SDK1: variants seen among roughly 807,000 people sequenced by gnomAD.
SDK1 encodes protein sidekick-1.
In SDK1, 157 loss-of-function variants were observed where a neutral mutation model predicts 245.5. That is an observed-to-expected ratio of 0.64 (90% CI 0.56 to 0.73). The LOEUF is 0.73. SDK1 is among the 30% of genes least tolerant of loss of function. SDK1 has a pLI of 0.00. For synonymous variants in SDK1, 1,647 were observed against 1,278.5 expected, an observed-to-expected ratio of 1.29 and a Z score of -6.15; for missense variants, 3,583 against 3,002.3, an observed-to-expected ratio of 1.19 and a Z score of -4.52.
rs143153588 is a variant in SDK1 at position 3,380,486 on chromosome 7, G to A, written c.298+78602G>A. On this transcript the variant is annotated intron_variant, in intron 1 of 44. Coordinates refer to ENST00000404826, the MANE Select transcript of SDK1 (RefSeq NM_152744.4). ...TGCAGAATAGCACTTACATATTCAG[G>A]CTGACAATATGTGTTTGAGGAATTG... Among the ~76,000 whole-genome samples the A allele has an allele frequency of 1.2e-3, 176 of 152,320 alleles. 2 individuals are homozygous for A. The highest frequency in any genetic ancestry group is 4.1e-3 in the African/African-American group (171 of 41,560).
chr7:3,624,201 C>T (rs992024420), intron 2 of SDK1, among the ~76,000 whole-genome samples: 18 of 152,062 alleles, frequency 1.2e-4, no homozygotes, highest in Non-Finnish European at 2.4e-4. Flanking sequence ...ATATCAATAG[C>T]TGATTTTATT....
chr7:3,748,602 C>T (rs1779690829), intron 4 of SDK1, among the ~76,000 whole-genome samples: 1 of 152,160 alleles, frequency 6.6e-6, no homozygotes, highest in Non-Finnish European at 1.5e-5. Flanking sequence ...AAACTGAAAC[C>T]AGCTGGCCTT....
intron 4 of SDK1, among the ~76,000 whole-genome samples, chr7:3,778,458 G>A (rs905852034): frequency 6.8e-6 from 1 of 146,464 alleles, no homozygotes; most frequent in Non-Finnish European, 1.5e-5. Context: ...GTTAAAGTTC[G>A]TATTTTCTAT....
At chr7:3,773,940 C>G (rs1230076158) in intron 4 of SDK1, among the ~76,000 whole-genome samples, 3 of 152,168 alleles carry the variant, frequency 2.0e-5, no homozygotes, top group African/African-American at 7.2e-5. Flanking sequence ...TTTGGCCAGG[C>G]ACGGTGGCTC....
chr7:3,335,844 C>G (rs1780186539), intron 1 of SDK1, among the ~76,000 whole-genome samples: 1 of 151,542 alleles, frequency 6.6e-6, no homozygotes, highest in South Asian at 2.1e-4. Flanking sequence ...CAAGGTGGAG[C>G]AGCCCCATTT....
chr7:3,781,537 G>A (rs1486149137), intron 4 of SDK1, among the ~76,000 whole-genome samples: 1 of 152,128 alleles, frequency 6.6e-6, no homozygotes. Flanking sequence ...CATGACACCT[G>A]CAAAGAAAAC....
intron 1 of SDK1, among the ~76,000 whole-genome samples, chr7:3,489,121 A>G (rs1283315997): frequency 6.6e-6 from 1 of 152,172 alleles, no homozygotes; most frequent in African/African-American, 2.4e-5. Flanking sequence ...CCCTGCAGAC[A>G]TAGCCCCTGG....
chr7:4,123,608 C>T (rs1362493930), intron 25 of SDK1, among the ~76,000 whole-genome samples: 3 of 152,152 alleles, frequency 2.0e-5, no homozygotes, highest in South Asian at 2.1e-4. Flanking sequence ...ATTCCCTTTC[C>T]GTGACACCTC....
chr7:3,874,803 G>GT (rs1159965155), intron 5 of SDK1, among the ~76,000 whole-genome samples: 1 of 152,170 alleles, frequency 6.6e-6, no homozygotes, highest in Admixed American at 6.5e-5. Context: ...TAAAGCTTTA[G>GT]TTTTTTGTCC....
intron 5 of SDK1, among the ~76,000 whole-genome samples, chr7:3,839,302 T>C (rs942020072): frequency 3.3e-5 from 5 of 152,194 alleles, no homozygotes; most frequent in African/African-American, 9.7e-5. Context: ...AGGGTCGGTA[T>C]TGAGAAAGTG....
At chr7:4,194,404 ATGCACATATG>A (rs1396092249) in intron 35 of SDK1, among the ~76,000 whole-genome samples, 200 of 118,164 alleles carry the variant, frequency 1.7e-3, no homozygotes, top group Middle Eastern at 5.6e-3. Context: ...ACATATATGT[ATGCACATATG>A]TGTATACATG....
At position 4,266,297 on chromosome 7, in the gene SDK1, G is replaced by A; in HGVS notation, c.*913G>A. Reference sequence around the variant, plus strand: ...TTTTTTAAACTATGTCACATGAAATGAATGCGTCTTTGCTGTCTCCAGGTG... The same window carrying A: ...TTTTTTAAACTATGTCACATGAAATAAATGCGTCTTTGCTGTCTCCAGGTG... On this transcript the variant is annotated 3_prime_UTR_variant, in exon 45 of 45. Transcript: ENST00000404826. The A allele has an allele frequency of 6.1e-6, 6 of 985,420 alleles. No individual in the cohort carries two copies. The highest frequency in any genetic ancestry group is 7.2e-6 in the Non-Finnish European group (6 of 829,906). The allele number at this position is 985,420 out of a possible 1,614,324, so 61.0% of individuals were successfully genotyped here.
intron 16 of SDK1, among the ~76,000 whole-genome samples, chr7:4,013,357 C>T (rs543359141): frequency 1.3e-5 from 2 of 152,320 alleles, no homozygotes; most frequent in Non-Finnish European, 2.9e-5. Flanking sequence ...TATTAAATCT[C>T]TTCTAATAGA....
chr7:3,655,243 G>T (rs1171782154), intron 4 of SDK1, among the ~76,000 whole-genome samples: 3 of 151,266 alleles, frequency 2.0e-5, no homozygotes, highest in South Asian at 4.2e-4. Flanking sequence ...AGACCAGCCT[G>T]ACCAACATGG....
chr7:3,464,953 A>C (rs566817049), intron 1 of SDK1, among the ~76,000 whole-genome samples: 2 of 152,228 alleles, frequency 1.3e-5, no homozygotes, highest in East Asian at 3.9e-4. Flanking sequence ...TCCACTGAGT[A>C]GTTTTAAAAT....
chr7:3,994,657 A>AG (rs1442460923), intron 14 of SDK1, among the ~76,000 whole-genome samples: 2 of 151,748 alleles, frequency 1.3e-5, no homozygotes, highest in African/African-American at 4.8e-5. Flanking sequence ...AAAAAAAAAA[A>AG]AGAGAAAAAC....
intron 1 of SDK1, among the ~76,000 whole-genome samples, chr7:3,512,985 T>C (rs1312725676): frequency 1.3e-5 from 2 of 152,190 alleles, no homozygotes; most frequent in African/African-American, 4.8e-5. Flanking sequence ...TGATTGTGCC[T>C]GAAAACCTCC....
rs570136312 is a variant in SDK1, at chr7:3,338,520, TC to T, written c.298+36639del. 1.0e-3 allele frequency: 463 copies of T among 442,870 alleles called. 9 individuals are homozygous for T. The highest frequency in any genetic ancestry group is 9.3e-3 in the South Asian group (455 of 49,012). The allele number at this position is 442,870 out of a possible 1,614,324, so 27.4% of individuals were successfully genotyped here. On this transcript the variant is annotated intron_variant, in intron 1 of 44. Coordinates refer to ENST00000404826, the MANE Select transcript of SDK1 (RefSeq NM_152744.4). The stretch of plus-strand genomic sequence containing the variant: ...GGGTTCAGCTGAAGAGCCAGCCTGT[TC>T]CCAGAGAAGCACACTTTGTGAGAAG...
At chr7:3,319,352 G>C (rs1468828693) in intron 1 of SDK1, among the ~76,000 whole-genome samples, 2 of 152,102 alleles carry the variant, frequency 1.3e-5, no homozygotes, top group Non-Finnish European at 2.9e-5. Flanking sequence ...TGCTTGTGGA[G>C]GGTCTTGTAA....
Sources: allele counts gnomAD v4.1 joint callset (sites outside exome capture counted in the v4.1 genomes callset), GRCh38; gene constraint gnomAD v4.1.1; transcripts MANE v1.5; gene names NCBI Gene and HGNC (gene_info 2026-07-23, HGNC 2026-07-21).